PUM2: variants seen among roughly 807,000 people sequenced by gnomAD.
PUM2 encodes the protein pumilio RNA binding family member 2, also known as pumilio homolog 2.
A neutral mutation model predicts 124.5 loss-of-function variants in PUM2; 57 were observed. The observed-to-expected ratio is 0.46, with a 90% confidence interval of 0.37 to 0.57. The LOEUF (loss-of-function observed/expected upper bound fraction) is 0.57, where lower values mean the gene tolerates loss of function less well. PUM2 is among the 20% of genes least tolerant of loss of function. PUM2 has a pLI of 0.00. For synonymous variants in PUM2, 460 were observed against 446.1 expected (o/e 1.03, Z -0.39); for missense variants, 1,065 against 1,290.6 (o/e 0.83, Z 2.68).
At position 20,319,017 on chromosome 2, in the gene PUM2, T is replaced by A. The variant is rs184585094; in HGVS notation, c.52-372A>T. 5.8e-4 allele frequency among the ~76,000 whole-genome samples: 88 copies of A among 152,346 alleles called. 1 individual carries two copies. Among genetic ancestry groups the A allele is most frequent in the African/African-American group, 1.9e-3 (79 of 41,574 alleles). On this transcript the variant is annotated intron_variant, in intron 2 of 20. Transcript: ENST00000361078. ...TCCCTTCACTTCCAAGTCCTCTCCC[T>A]AGACCACCTCCTATCATATCTTCTA...
intron 1 of PUM2, chr2:20,333,078 G>T (rs1354375583): frequency 6.6e-6 from 1 of 152,042 alleles, no homozygotes; most frequent in Non-Finnish European, 1.5e-5. Context: ...CAAAAGAAAA[G>T]AAATGACAGT....
chr2:20,317,411 G>A (rs1002274781), intron 3 of PUM2, among the ~76,000 whole-genome samples: 1 of 152,000 alleles, frequency 6.6e-6, no homozygotes, highest in African/African-American at 2.4e-5. Flanking sequence ...TCCTTCCTGG[G>A]TGTGGCAAAT....
At chr2:20,287,003 G>A (rs1234669820) in intron 10 of PUM2, among the ~76,000 whole-genome samples, 2 of 151,968 alleles carry the variant, frequency 1.3e-5, no homozygotes, top group African/African-American at 2.4e-5. Flanking sequence ...AAAAAAAAAC[G>A]ACGTAGGGAA....
At chr2:20,292,213 C>A (rs1198630842) in intron 9 of PUM2, among the ~76,000 whole-genome samples, 5 of 151,770 alleles carry the variant, frequency 3.3e-5, no homozygotes, top group African/African-American at 7.3e-5. Context: ...GCTACTTGAT[C>A]CCCGCCTCCC....
At chr2:20,318,235 TA>T (rs925512573) in intron 3 of PUM2, among the ~76,000 whole-genome samples, 1 of 151,314 alleles carries the variant, frequency 6.6e-6, no homozygotes, top group African/African-American at 2.4e-5. Flanking sequence ...TACAATCAAT[TA>T]AAAAAAAACC....
intron 13 of PUM2, among the ~76,000 whole-genome samples, chr2:20,274,329 CTGTA>C (rs1461958539): frequency 2.6e-5 from 4 of 152,062 alleles, no homozygotes; most frequent in African/African-American, 9.7e-5. Flanking sequence ...TCATTAATGA[CTGTA>C]TGTGAAACTC....
chr2:20,288,421 G>C (rs1406980100), intron 10 of PUM2, among the ~76,000 whole-genome samples: 1 of 152,172 alleles, frequency 6.6e-6, no homozygotes, highest in Non-Finnish European at 1.5e-5. Context: ...ATACTGCAAA[G>C]GAATTATAGA....
chr2:20,300,298 C>T (rs1471751784), intron 7 of PUM2, among the ~76,000 whole-genome samples: 4 of 152,182 alleles, frequency 2.6e-5, no homozygotes, highest in East Asian at 3.9e-4. Flanking sequence ...TACAGGCATG[C>T]GCCGCCACGC....
In PUM2 at chr2:20,251,506, G is replaced by T; in HGVS notation, c.*79C>A. ...AAAAAAAAATTGAAGATTCATAGTT[G>T]AGTTGTGTTTTGATAATTCACACAC... On this transcript the variant is annotated 3_prime_UTR_variant, in exon 21 of 21. Coordinates refer to ENST00000361078, the MANE Select transcript of PUM2 (RefSeq NM_015317.5). The T allele has an allele frequency of 2.1e-6, 3 of 1,429,634 alleles. No homozygotes were observed. Among genetic ancestry groups the T allele is most frequent in the Non-Finnish European group, 2.8e-6 (3 of 1,059,310 alleles). 88.6% of individuals were successfully genotyped at this position (1,429,634 alleles called of 1,614,324 possible).
chr2:20,348,668 G>A (rs558803782), intron 1 of PUM2, among the ~76,000 whole-genome samples: 1 of 152,352 alleles, frequency 6.6e-6, no homozygotes, highest in South Asian at 2.1e-4. Flanking sequence ...GGTGGCTCAC[G>A]CCTGTAATCC....
chr2:20,253,353 G>A (rs1398254974), intron 20 of PUM2, among the ~76,000 whole-genome samples: 1 of 152,134 alleles, frequency 6.6e-6, no homozygotes, highest in Non-Finnish European at 1.5e-5. Flanking sequence ...CCACAGGCAT[G>A]TATCGTCATA....
rs1675022967 is a variant in PUM2 at position 20,294,479 on chromosome 2, C to A, written c.1049G>T (p.Trp350Leu). 2.5e-6 allele frequency: 4 copies of A among 1,614,152 alleles called. No individual in the cohort carries two copies. The highest frequency in any genetic ancestry group is 2.2e-5 in the East Asian group (1 of 44,880). ...VVPPQYYGVP[W>L]GVYPANLFQQ... ...AAATAAGTTGGCTGGATACACCCCC[C>A]ATGGAACGCCGTAATACTGAGGTGG... The change falls in exon 9 of 21, where the codon TGG becomes TTG. Residue 350 changes from tryptophan to leucine, a missense_variant. Physicochemically the swap from Trp to Leu is moderately conservative, Grantham distance 61. This residue lies in a region of PUM2 where 968 missense variants were observed against 1,159.8 expected (regional missense o/e 0.83). Coordinates refer to ENST00000361078, the MANE Select transcript of PUM2 (RefSeq NM_015317.5).
chr2:20,331,575 AG>A (rs1349190943), intron 1 of PUM2: 1 of 150,772 alleles, frequency 6.6e-6, no homozygotes, highest in Non-Finnish European at 1.5e-5. Flanking sequence ...ATGTGGGGAA[AG>A]GGCAAACCCA....
chr2:20,260,044 G>A (rs910192055), intron 15 of PUM2, among the ~76,000 whole-genome samples: 1 of 152,178 alleles, frequency 6.6e-6, no homozygotes, highest in South Asian at 2.1e-4. Flanking sequence ...AGGATGTTGA[G>A]CATCTTTTCA....
intron 3 of PUM2, among the ~76,000 whole-genome samples, chr2:20,315,004 G>A (rs1394597933): frequency 6.8e-6 from 1 of 146,506 alleles, no homozygotes; most frequent in Non-Finnish European, 1.5e-5. Flanking sequence ...AAGTACGAAA[G>A]ATGGGCATCA....
intron 10 of PUM2, among the ~76,000 whole-genome samples, chr2:20,287,232 A>G (rs1361053717): frequency 6.6e-6 from 1 of 152,236 alleles, no homozygotes; most frequent in Non-Finnish European, 1.5e-5. Context: ...TAAGAGTTGT[A>G]GAATGGTGAA....
chr2:20,273,670 G>C (rs1015466108), intron 13 of PUM2, among the ~76,000 whole-genome samples: 1 of 152,082 alleles, frequency 6.6e-6, no homozygotes, highest in Non-Finnish European at 1.5e-5. Context: ...GTCTACCAGA[G>C]GGTTGTAGCT....
intron 1 of PUM2, among the ~76,000 whole-genome samples, chr2:20,347,163 C>G (rs747768428): frequency 1.3e-4 from 20 of 152,156 alleles, no homozygotes; most frequent in Non-Finnish European, 2.4e-4. Context: ...TGGTTGGGAT[C>G]CAGTAGCTAA....
intron 13 of PUM2, among the ~76,000 whole-genome samples, chr2:20,274,208 G>A (rs1482253590): frequency 1.3e-5 from 2 of 151,790 alleles, no homozygotes; most frequent in Non-Finnish European, 2.9e-5. Context: ...ATATGAAGGT[G>A]CTTTAAGAAA....
Sources: gnomAD v4.1 joint callset for allele counts (sites outside exome capture counted in the v4.1 genomes callset) on GRCh38, gnomAD v4.1.1 for gene constraint, gnomAD v4.1.1 regional missense constraint, MANE v1.5 for transcripts, NCBI Gene and HGNC (gene_info 2026-07-23, HGNC 2026-07-21) for gene names.